The following TOLLIP variants were observed in gnomAD, a reference collection of about 807,000 sequenced individuals.
The protein encoded by TOLLIP is toll-interacting protein.
Under a neutral mutation model 33.5 loss-of-function variants are expected in TOLLIP, and 16 were observed. The observed-to-expected ratio is 0.48, with a 90% confidence interval of 0.32 to 0.72. The LOEUF is 0.72. Ranked by LOEUF, TOLLIP falls within the 30% of genes least tolerant of loss-of-function variation. The pLI is 0.03. For missense variants in TOLLIP, 325 were observed against 396.6 expected, an observed-to-expected ratio of 0.82 and a Z score of 1.53; for synonymous variants, 176 against 163.7, an observed-to-expected ratio of 1.07 and a Z score of -0.57.
chr11:1,309,210 CG>C (rs1262828796), intron 1 of TOLLIP, among the ~76,000 whole-genome samples: 1 of 152,192 alleles, frequency 6.6e-6, no homozygotes, highest in African/African-American at 2.4e-5. Context: ...CCCCCTCCCC[CG>C]GGGCTGCCTC....
At position 1,277,836 on chromosome 11, in the gene TOLLIP, G is replaced by A. The variant is rs569646403; in HGVS notation, c.611-583C>T. 2.0e-5 allele frequency among the ~76,000 whole-genome samples: 3 copies of A among 152,296 alleles called. No homozygotes were observed. The highest frequency in any genetic ancestry group is 6.5e-5 in the Admixed American group (1 of 15,306). On this transcript the variant is annotated intron_variant, in intron 5 of 5. Transcript: ENST00000317204. The surrounding 1 kb of genome is among the most constrained non-coding windows in gnomAD (Gnocchi z 4.2). ...TGAAGACCTCAGCAAAGCTGCAGCCGATGCCCAGAATGACAACCCCACACA... is the reference window on the plus strand; with the variant it reads ...TGAAGACCTCAGCAAAGCTGCAGCCAATGCCCAGAATGACAACCCCACACA...
intron 1 of TOLLIP, among the ~76,000 whole-genome samples, chr11:1,302,039 C>T (rs1488032310): frequency 6.6e-6 from 1 of 152,212 alleles, no homozygotes; most frequent in Admixed American, 6.5e-5. Context: ...ACCAGCCTCC[C>T]TGCTGTGTCT....
intron 5 of TOLLIP, chr11:1,283,489 C>T (rs1028808757): frequency 2.2e-6 from 1 of 453,938 alleles, no homozygotes; most frequent in African/African-American, 2.0e-5. Context: ...GGGCTGGGGG[C>T]TCCGGTGGGG....
chr11:1,289,895 G>C (rs1297129421), intron 3 of TOLLIP, among the ~76,000 whole-genome samples: 1 of 149,926 alleles, frequency 6.7e-6, no homozygotes, highest in Non-Finnish European at 1.5e-5. Flanking sequence ...CAGCGGAGGG[G>C]ACACGTGCAC....
intron 1 of TOLLIP, among the ~76,000 whole-genome samples, chr11:1,296,008 A>C (rs1864103767): frequency 6.6e-6 from 1 of 151,992 alleles, no homozygotes; most frequent in South Asian, 2.1e-4. Context: ...TGCAGCCCTC[A>C]CTCAGGAGAT....
chr11:1,282,154 T>C (rs1425802288), intron 5 of TOLLIP, among the ~76,000 whole-genome samples: 2 of 152,212 alleles, frequency 1.3e-5, no homozygotes, highest in Non-Finnish European at 2.9e-5. Context: ...ACGCCAGGGC[T>C]AAGGCCGGAA....
At chr11:1,299,317 G>A (rs1465353255) in intron 1 of TOLLIP, among the ~76,000 whole-genome samples, 2 of 152,122 alleles carry the variant, frequency 1.3e-5, no homozygotes, top group African/African-American at 2.4e-5. Context: ...AGGGAGAGGC[G>A]GCTTGCCTGC....
At chr11:1,293,995 C>G (rs536182091) in intron 2 of TOLLIP, among the ~76,000 whole-genome samples, 21 of 152,390 alleles carry the variant, frequency 1.4e-4, no homozygotes, top group African/African-American at 4.6e-4. Context: ...CCCCTGAAAG[C>G]AAGTCTTATT....
At position 1,278,560 on chromosome 11, in the gene TOLLIP, C is replaced by T. The variant is rs1032639370; in HGVS notation, c.611-1307G>A. 1.3e-5 allele frequency among the ~76,000 whole-genome samples: 2 copies of T among 152,192 alleles called. No homozygotes were observed. Among genetic ancestry groups the T allele is most frequent in the Admixed American group, 6.5e-5 (1 of 15,288 alleles). On this transcript the variant is annotated intron_variant, in intron 5 of 5. Transcript: ENST00000317204. The surrounding 1 kb of genome is among the most constrained non-coding windows in gnomAD (Gnocchi z 4.7). ...CAGGACTCCTCAGCAAGGAAGGCCA[C>T]CGCTTCCCGGCTCCTTCTAGGCCAG...
chr11:1,276,791 G>A lies in TOLLIP; in HGVS notation c.*248C>T, dbSNP rs560848172. ...ATGAGAAGGAGAGACGCACGTCCCA[G>A]GGACAGGAGAGCGCGCTGAGACCTC... is the stretch of plus-strand genomic sequence containing the variant. On this transcript the variant is annotated 3_prime_UTR_variant, in exon 6 of 6. Coordinates refer to ENST00000317204, the MANE Select transcript of TOLLIP (RefSeq NM_019009.4). 5 of 1,520,994 alleles carry A rather than the reference G, an allele frequency of 3.3e-6. No individual in the cohort carries two copies. In the African/African-American group the frequency reaches 5.5e-5, roughly 17 times the overall value. The allele number at this position is 1,520,994 out of a possible 1,614,324, so 94.2% of individuals were successfully genotyped here.
chr11:1,304,535 C>T lies in TOLLIP; in HGVS notation c.33+4931G>A, dbSNP rs566968888. 1.5e-3 allele frequency among the ~76,000 whole-genome samples: 231 copies of T among 152,338 alleles called. 1 individual carries two copies. Among genetic ancestry groups the T allele is most frequent in the Admixed American group, 5.2e-3 (80 of 15,306 alleles). On this transcript the variant is annotated intron_variant, in intron 1 of 5. Coordinates refer to ENST00000317204, the MANE Select transcript of TOLLIP (RefSeq NM_019009.4). ...CACCCACACAAGGCACAGCAGCACC[C>T]GCGCCAGGACGGGGCGGCCGAGGTC...
chr11:1,287,854 G>A (rs1219448771), intron 4 of TOLLIP, among the ~76,000 whole-genome samples: 1 of 144,974 alleles, frequency 6.9e-6, no homozygotes, highest in Admixed American at 7.0e-5. Flanking sequence ...CCTCCCTGCC[G>A]CACCCTCTCT....
intron 5 of TOLLIP, among the ~76,000 whole-genome samples, chr11:1,282,083 C>G (rs1193493128): frequency 1.3e-5 from 2 of 152,208 alleles, no homozygotes; most frequent in South Asian, 4.1e-4. Context: ...AAAAATACTT[C>G]AAAGGCTCCT....
intron 1 of TOLLIP, among the ~76,000 whole-genome samples, chr11:1,300,640 G>A (rs780309998): frequency 8.5e-5 from 13 of 152,196 alleles, no homozygotes; most frequent in Non-Finnish European, 1.5e-4. Context: ...TTAGGAATAC[G>A]TTTCCGACTG....
At position 1,278,628 on chromosome 11, in the gene TOLLIP, C is replaced by T. The variant is rs1271897278; in HGVS notation, c.611-1375G>A. On this transcript the variant is annotated intron_variant, in intron 5 of 5. Coordinates refer to ENST00000317204, the MANE Select transcript of TOLLIP (RefSeq NM_019009.4). The surrounding 1 kb of genome is among the most constrained non-coding windows in gnomAD (Gnocchi z 4.7). The stretch of plus-strand genomic sequence containing the variant: ...ACCCACCCCTGCCTCCTCTGCTTCT[C>T]GGCTCTCTCAGGGCCAGGCCCACCT... Among the ~76,000 whole-genome samples the T allele has an allele frequency of 2.6e-5, 4 of 152,218 alleles. No individual in the cohort carries two copies. Among genetic ancestry groups the T allele is most frequent in the Non-Finnish European group, 5.9e-5 (4 of 68,038 alleles).
intron 1 of TOLLIP, among the ~76,000 whole-genome samples, chr11:1,297,571 G>A (rs919608722): frequency 6.6e-5 from 10 of 152,254 alleles, no homozygotes; most frequent in African/African-American, 1.9e-4. Flanking sequence ...CACTTTGTGC[G>A]TTTCCCCACA....
At position 1,290,022 on chromosome 11, in the gene TOLLIP, T is replaced by C; in HGVS notation, c.366+205A>G. 1 of 582,510 alleles carries C rather than the reference T, an allele frequency of 1.7e-6. No individual in the cohort carries two copies. The highest frequency in any genetic ancestry group is 3.0e-6 in the Non-Finnish European group (1 of 328,058). 36.1% of individuals were successfully genotyped at this position (582,510 alleles called of 1,614,324 possible). ...GCTTGTCACTGGGGATGTTTCCAAATGTAAGTATGTTCAAGGAGCTGGAAA... is the reference window on the plus strand; with the variant it reads ...GCTTGTCACTGGGGATGTTTCCAAACGTAAGTATGTTCAAGGAGCTGGAAA... On this transcript the variant is annotated intron_variant, in intron 3 of 5. Coordinates refer to ENST00000317204, the MANE Select transcript of TOLLIP (RefSeq NM_019009.4). The surrounding 1 kb of genome is among the most constrained non-coding windows in gnomAD (Gnocchi z 4.9).
intron 3 of TOLLIP, among the ~76,000 whole-genome samples, 193 bp from the exon 4 acceptor site, chr11:1,288,969 G>A (rs577957541): frequency 1.8e-4 from 27 of 152,344 alleles, no homozygotes; most frequent in African/African-American, 6.3e-4. Context: ...CTCCGTAGGG[G>A]ACTTCTTCCC....
At chr11:1,286,138 C>G (rs143013859) in intron 4 of TOLLIP, 46 bp from the exon 5 acceptor site, 5 of 1,447,080 alleles carry the variant, frequency 3.5e-6, no homozygotes, top group South Asian at 1.2e-5. Context: ...GGAACATCCA[C>G]CCATCAGAAC....
Sources: gnomAD v4.1 joint callset for allele counts (sites outside exome capture counted in the v4.1 genomes callset) on GRCh38, gnomAD v4.1.1 for gene constraint, Gnocchi (gnomAD v3.1) non-coding constraint, MANE v1.5 for transcripts, NCBI Gene and HGNC (gene_info 2026-07-23, HGNC 2026-07-21) for gene names.